LMTK3: variants seen among roughly 807,000 people sequenced by gnomAD.
LMTK3 encodes the protein serine/threonine-protein kinase LMTK3.
LMTK3 carries 27 observed loss-of-function variants against 116.7 expected under a neutral mutation model. That is an observed-to-expected ratio of 0.23 (90% confidence interval 0.17 to 0.32). LMTK3 has a LOEUF of 0.32. Ranked by LOEUF, LMTK3 falls within the 10% of genes least tolerant of loss-of-function variation. The pLI is 1.00. For synonymous variants in LMTK3, 965 were observed against 971.0 expected (o/e 0.99, Z 0.11); for missense variants, 1,764 against 2,068.5 (o/e 0.85, Z 2.86).
Position 48,485,654 on chromosome 19 carries a change from A to G in LMTK3, c.*119T>C. The G allele has an allele frequency of 4.4e-6, 5 of 1,134,704 alleles. No homozygotes were observed. Among genetic ancestry groups the G allele is most frequent in the Non-Finnish European group, 6.4e-6 (5 of 779,774 alleles). 70.3% of individuals were successfully genotyped at this position (1,134,704 alleles called of 1,614,324 possible). A position where few individuals can be genotyped will look rare whatever the true frequency, so the allele number is the denominator to read the frequency against. On this transcript the variant is annotated 3_prime_UTR_variant, in exon 15 of 15. Coordinates refer to ENST00000600059, the MANE Select transcript of LMTK3 (RefSeq NM_001388485.1). ...TAGGGGAGTGGGAGGGGGAGGGCCC[A>G]GCCTCGGGGGCCTCCCCAGAGGCGG...
chr19:48,502,735 G>T (rs1972495205), intron 6 of LMTK3, among the ~76,000 whole-genome samples, 154 bp from the exon 7 acceptor site: 1 of 152,194 alleles, frequency 6.6e-6, no homozygotes, highest in African/African-American at 2.4e-5. Context: ...AGCCCATCTT[G>T]CCTGCTTGTT....
At chr19:48,501,635 T>A in intron 7 of LMTK3, 73 bp from the exon 8 acceptor site, 2 of 1,416,962 alleles carry the variant, frequency 1.4e-6, no homozygotes, top group South Asian at 1.2e-5. Flanking sequence ...CCTTTCACAC[T>A]GACTCCACCC....
At position 48,494,031 on chromosome 19, in the gene LMTK3, G is replaced by T; in HGVS notation, c.3755C>A (p.Pro1252Gln). The T allele has an allele frequency of 8.7e-7, 1 of 1,152,596 alleles. No individual in the cohort carries two copies. Among genetic ancestry groups the T allele is most frequent in the South Asian group, 4.2e-5 (1 of 23,682 alleles). The allele number at this position is 1,152,596 out of a possible 1,614,324, so 71.4% of individuals were successfully genotyped here. Residue 1252 changes from proline (P) to glutamine (Q), a missense_variant, in exon 12 of 15, where the codon CCG becomes CAG. Pro to Gln is a moderately conservative substitution (Grantham distance 76, BLOSUM62 -1). Around this residue, in one of 7 missense-constraint regions of LMTK3, gnomAD observed 39 missense variants for 75.4 expected, o/e 0.52. Transcript: ENST00000600059. The surrounding 1 kb of genome is among the most constrained non-coding windows in gnomAD (Gnocchi z 4.0). Reference protein sequence around the residue: ...PFPGPGPRRPPWEGADAGAAG... With the variant: ...PFPGPGPRRPQWEGADAGAAG... ...CGCCCCGGCGTCCGCGCCCTCCCAC[G>T]GGGGCCGCCGCGGGCCCGGCCCCGG...
chr19:48,509,544 GTC>G (rs1482289592), intron 3 of LMTK3, 31 bp from the exon 4 acceptor site: 2 of 1,523,898 alleles, frequency 1.3e-6, no homozygotes, highest in Non-Finnish European at 1.8e-6. Context: ...AAGCCCCTGA[GTC>G]TCTCCCCCTT....
chr19:48,502,646 G>A lies in LMTK3; in HGVS notation c.646-65C>T, dbSNP rs1245007083. ...CAGGTCTCCAGCTAGTCGGCCCGGA[G>A]GCTGGAATGGCTTCTGCTGTCACTG... On this transcript the variant is annotated intron_variant, in intron 6 of 14. Transcript: ENST00000600059. The A allele has an allele frequency of 1.6e-5, 24 of 1,484,758 alleles. No homozygotes were observed. The Middle Eastern group carries it at 2.0e-3, about 122-fold the overall frequency. 92.0% of individuals were successfully genotyped at this position (1,484,758 alleles called of 1,614,324 possible). A position where few individuals can be genotyped will look rare whatever the true frequency, so the allele number is the denominator to read the frequency against.
Position 48,497,375 on chromosome 19 carries a change from GC to G in LMTK3, c.3676+17del, listed in dbSNP as rs775386806. Reference sequence around the variant, plus strand: ...ACAGCCGGACCTCAGCCCTGACTGTGCCCCGCAGCCTCCTCACCTTTGATCT... The same window carrying G: ...ACAGCCGGACCTCAGCCCTGACTGTGCCCGCAGCCTCCTCACCTTTGATCT... On this transcript the variant is annotated intron_variant, in intron 11 of 14. Transcript: ENST00000600059. This position sits in a 1 kb window ranked among gnomAD's most constrained non-coding sequence, Gnocchi z 5.7. 4.8e-6 allele frequency: 7 copies of G among 1,460,036 alleles called. 1 individual carries two copies. In the Admixed American group the frequency reaches 1.9e-4, roughly 39 times the overall value. 90.4% of individuals were successfully genotyped at this position (1,460,036 alleles called of 1,614,324 possible).
chr19:48,490,997 A>G, intron 14 of LMTK3, 111 bp downstream of exon 14: 1 of 687,998 alleles, frequency 1.5e-6, no homozygotes, highest in Non-Finnish European at 2.1e-6. Flanking sequence ...GAGAGAGAAG[A>G]GACTGGGAAG....
At chr19:48,501,229 G>T in intron 9 of LMTK3, 54 bp downstream of exon 9, 1 of 1,608,730 alleles carries the variant, frequency 6.2e-7, no homozygotes, top group Admixed American at 1.7e-5. Flanking sequence ...GTGGCATCTA[G>T]TAACCCTTCC....
intron 1 of LMTK3, 44 bp downstream of exon 1, chr19:48,511,457 G>C (rs567216541): frequency 3.1e-5 from 27 of 871,982 alleles, no homozygotes; most frequent in African/African-American, 2.5e-4. Flanking sequence ...AGGCCGCCGC[G>C]GGGGTGGGGG....
Position 48,499,229 on chromosome 19 carries a change from C to T in LMTK3, c.1840G>A (p.Gly614Ser). ...SFLLSGWDPE[G>S]RGAGETLAGD... ...GCCAGGGTCTCCCCGGCGCCCCGGCCCTCGGGGTCCCAGCCGCTCAGCAGG... is the reference window on the plus strand; with the variant it reads ...GCCAGGGTCTCCCCGGCGCCCCGGCTCTCGGGGTCCCAGCCGCTCAGCAGG... The change falls in exon 11 of 15, where the codon GGC (glycine) becomes AGC (serine). Residue 614 changes from glycine (G) to serine (S), a missense_variant. Around this residue, in one of 7 missense-constraint regions of LMTK3, gnomAD observed 1,028 missense variants for 1,050.6 expected, o/e 0.98. Transcript: ENST00000600059. 2 of 1,382,144 alleles carry T rather than the reference C, an allele frequency of 1.4e-6. No homozygotes were observed. Among genetic ancestry groups the T allele is most frequent in the Non-Finnish European group, 1.9e-6 (2 of 1,063,226 alleles). 85.6% of individuals were successfully genotyped at this position (1,382,144 alleles called of 1,614,324 possible).
In LMTK3 at chr19:48,494,520, G is replaced by A. The variant is rs967323701; in HGVS notation, c.3677-411C>T. ...AATTTTTTGTATTTTTAGTAGAGAC[G>A]GGGTTTCACCATGCTGGCCAGGCTG... On this transcript the variant is annotated intron_variant, in intron 11 of 14. Transcript: ENST00000600059. This position sits in a 1 kb window ranked among gnomAD's most constrained non-coding sequence, Gnocchi z 4.0. Among the ~76,000 whole-genome samples, 3 of 152,040 alleles carry A rather than the reference G, an allele frequency of 2.0e-5. No individual in the cohort carries two copies. Among genetic ancestry groups the A allele is most frequent in the African/African-American group, 4.8e-5 (2 of 41,384 alleles).
In LMTK3 at chr19:48,511,517, C is replaced by A; in HGVS notation, c.60G>T (p.Ala20=). The change falls in exon 1 of 15, where the codon GCG becomes GCT. Residue 20 remains alanine (A), a synonymous_variant. Transcript: ENST00000600059. ...LAAVSASGCL[A]SPAHPDGFAL... ...CAGACTCACCGGGGTGGGCCGGGGA[C>A]GCCAGGCAGCCGGAGGCGGAGACGG... The A allele has an allele frequency of 7.2e-7, 1 of 1,396,270 alleles. No individual in the cohort carries two copies. The highest frequency in any genetic ancestry group is 1.6e-5 in the South Asian group (1 of 62,604). 86.5% of individuals were successfully genotyped at this position (1,396,270 alleles called of 1,614,324 possible). A position where few individuals can be genotyped will look rare whatever the true frequency, so the allele number is the denominator to read the frequency against.
In LMTK3 at chr19:48,485,591, G is replaced by A; in HGVS notation, c.*182C>T. 1 of 624,908 alleles carries A rather than the reference G, an allele frequency of 1.6e-6. No individual in the cohort carries two copies. Among genetic ancestry groups the A allele is most frequent in the Non-Finnish European group, 2.8e-6 (1 of 363,008 alleles). The allele number at this position is 624,908 out of a possible 1,614,324, so 38.7% of individuals were successfully genotyped here. ...GGTCAGGGGAGCCATCTGGGGGGCTGGGGGGCGGGGGCCCGGGGCCTCCCG... is the reference window on the plus strand; with the variant it reads ...GGTCAGGGGAGCCATCTGGGGGGCTAGGGGGCGGGGGCCCGGGGCCTCCCG... On this transcript the variant is annotated 3_prime_UTR_variant, in exon 15 of 15. Transcript: ENST00000600059.
intron 5 of LMTK3, among the ~76,000 whole-genome samples, chr19:48,504,054 G>T (rs1972522016): frequency 6.6e-6 from 1 of 152,094 alleles, no homozygotes; most frequent in Admixed American, 6.6e-5. Context: ...TTTTAGTAGA[G>T]ACAGGGTTTC....
Position 48,485,673 on chromosome 19 carries a change from G to T in LMTK3, c.*100C>A. The T allele has an allele frequency of 7.3e-7, 1 of 1,368,392 alleles. No homozygotes were observed. The allele number at this position is 1,368,392 out of a possible 1,614,324, so 84.8% of individuals were successfully genotyped here. The stretch of plus-strand genomic sequence containing the variant: ...GGGCCCAGCCTCGGGGGCCTCCCCA[G>T]AGGCGGCGTCTGCGGTGGTGGCAGT... On this transcript the variant is annotated 3_prime_UTR_variant, in exon 15 of 15. Transcript: ENST00000600059.
chr19:48,504,693 A>G (rs1972533882), intron 5 of LMTK3, among the ~76,000 whole-genome samples: 1 of 151,992 alleles, frequency 6.6e-6, no homozygotes, highest in African/African-American at 2.4e-5. Context: ...GATTATAGGT[A>G]CACACTACCA....
At position 48,501,460 on chromosome 19, in the gene LMTK3, G is replaced by A. The variant is rs756062235; in HGVS notation, c.879+18C>T. ...CAGGGCACCCCACAGCCCCCATCCC[G>A]ACGGAAGGAAGCCCTACCTTGTAGT... On this transcript the variant is annotated intron_variant, in intron 8 of 14. Transcript: ENST00000600059. 1 of 1,612,508 alleles carries A rather than the reference G, an allele frequency of 6.2e-7. No homozygotes were observed. The highest frequency in any genetic ancestry group is 2.2e-5 in the East Asian group (1 of 44,820).
intron 5 of LMTK3, among the ~76,000 whole-genome samples, chr19:48,503,619 C>G (rs1159186487): frequency 6.6e-6 from 1 of 152,126 alleles, no homozygotes; most frequent in East Asian, 1.9e-4. Context: ...TTTGCCTCAC[C>G]TGCTTTTCAC....
At chr19:48,508,753 C>A in intron 5 of LMTK3, 98 bp downstream of exon 5, 1 of 947,016 alleles carries the variant, frequency 1.1e-6, no homozygotes, top group Non-Finnish European at 1.7e-6. Flanking sequence ...GCTGCACAAC[C>A]GGAAGAGGTA....
Sources: allele counts gnomAD v4.1 joint callset (sites outside exome capture counted in the v4.1 genomes callset), GRCh38; gene constraint gnomAD v4.1.1; regional missense constraint gnomAD v4.1.1; non-coding constraint Gnocchi (gnomAD v3.1); transcripts MANE v1.5; gene names NCBI Gene and HGNC (gene_info 2026-07-23, HGNC 2026-07-21).